LPP: variants seen among roughly 807,000 people sequenced by gnomAD.
LPP encodes the protein lipoma-preferred partner.
In LPP, 38 loss-of-function variants were observed where a neutral mutation model predicts 60.4. The observed-to-expected ratio is 0.63, with a 90% CI of 0.49 to 0.83. The LOEUF is 0.83. Ranked by LOEUF, LPP falls within the 40% of genes least tolerant of loss-of-function variation. The pLI, the probability that LPP is intolerant of heterozygous loss-of-function variation, is 0.00. For synonymous variants in LPP, 328 were observed against 290.8 expected (o/e 1.13, Z -1.30); for missense variants, 902 against 783.6 (o/e 1.15, Z -1.80).
At chr3:188,662,938 G>T (rs1854920399) in intron 7 of LPP, among the ~76,000 whole-genome samples, 1 of 152,230 alleles carries the variant, frequency 6.6e-6, no homozygotes, top group African/African-American at 2.4e-5. Flanking sequence ...TACTACCTGT[G>T]TCACATGTTA....
intron 5 of LPP, among the ~76,000 whole-genome samples, chr3:188,496,800 A>C (rs552875433): frequency 6.6e-6 from 1 of 152,354 alleles, no homozygotes; most frequent in African/African-American, 2.4e-5. Flanking sequence ...AGATTTTAAA[A>C]AATGTATCTC....
At chr3:188,431,536 A>G (rs948597018) in intron 4 of LPP, among the ~76,000 whole-genome samples, 1 of 152,166 alleles carries the variant, frequency 6.6e-6, no homozygotes, top group Admixed American at 6.5e-5. Context: ...ATGGTCCATC[A>G]AAAAGGTCTG....
intron 4 of LPP, among the ~76,000 whole-genome samples, chr3:188,478,472 C>A (rs1803832811): frequency 6.6e-6 from 1 of 151,806 alleles, no homozygotes; most frequent in African/African-American, 2.4e-5. Flanking sequence ...AGCAATATTA[C>A]CACATTATAT....
intron 7 of LPP, among the ~76,000 whole-genome samples, chr3:188,697,796 A>G (rs1055292234): frequency 6.6e-6 from 1 of 152,222 alleles, no homozygotes; most frequent in Non-Finnish European, 1.5e-5. Context: ...GTTTGATAAT[A>G]CTTACATAGG....
At position 188,623,836 on chromosome 3, in the gene LPP, G is replaced by A. The variant is rs988884371; in HGVS notation, c.1113+13992G>A. 1.2e-4 allele frequency among the ~76,000 whole-genome samples: 19 copies of A among 152,294 alleles called. No individual in the cohort carries two copies. In the East Asian group the frequency reaches 1.4e-3, roughly 11 times the overall value. On this transcript the variant is annotated intron_variant, in intron 7 of 11. Transcript: ENST00000617246. ...GCTCCTTAACATGAGGCCATTGGGC[G>A]GGTGTGTGCCAGACAATCCTCCTAG...
chr3:188,458,605 A>G (rs1798286355), intron 4 of LPP, among the ~76,000 whole-genome samples: 1 of 152,178 alleles, frequency 6.6e-6, no homozygotes, highest in South Asian at 2.1e-4. Flanking sequence ...TGCTTCACCT[A>G]TACACCTATT....
intron 1 of LPP, among the ~76,000 whole-genome samples, chr3:188,169,633 A>G (rs528251077): frequency 2.3e-4 from 35 of 152,316 alleles, no homozygotes; most frequent in African/African-American, 7.9e-4. Context: ...TAATAAACGA[A>G]TGCGCATTCT....
chr3:188,269,498 G>T (rs540869993), intron 2 of LPP, among the ~76,000 whole-genome samples: 1 of 152,284 alleles, frequency 6.6e-6, no homozygotes, highest in Admixed American at 6.5e-5. Context: ...ACAATTGCAG[G>T]TTATCCTTGC....
chr3:188,626,405 G>A (rs1288589773), intron 7 of LPP, among the ~76,000 whole-genome samples: 2 of 152,148 alleles, frequency 1.3e-5, no homozygotes. Context: ...AGGGATTTGA[G>A]CATCCATAGA....
intron 6 of LPP, among the ~76,000 whole-genome samples, chr3:188,607,753 A>G (rs191465020): frequency 5.9e-5 from 9 of 152,308 alleles, no homozygotes; most frequent in African/African-American, 2.2e-4. Context: ...CCCCAAAAAC[A>G]GATACTTCAA....
At chr3:188,276,709 C>A (rs1355464245) in intron 2 of LPP, among the ~76,000 whole-genome samples, 1 of 112,518 alleles carries the variant, frequency 8.9e-6, no homozygotes, top group South Asian at 2.9e-4. Flanking sequence ...CTCTCTCTCT[C>A]TCTCTCTCTC....
chr3:188,727,720 A>T (rs190403379), intron 8 of LPP, among the ~76,000 whole-genome samples: 18 of 152,280 alleles, frequency 1.2e-4, no homozygotes, highest in Admixed American at 2.0e-4. Flanking sequence ...AACACTTCAC[A>T]TAGCTGGTCT....
intron 2 of LPP, among the ~76,000 whole-genome samples, chr3:188,280,422 A>T (rs938002842): frequency 5.9e-5 from 9 of 152,194 alleles, no homozygotes; most frequent in African/African-American, 2.2e-4. Context: ...ATGGACCACG[A>T]ATGCCGCATC....
intron 7 of LPP, among the ~76,000 whole-genome samples, chr3:188,618,582 G>T (rs4686986): frequency 0.2 from 30,367 of 152,022 alleles, 3,316 homozygotes; most frequent in South Asian, 0.37. Flanking sequence ...GTGTAGAGTT[G>T]TCCAAACATA....
chr3:188,814,950 G>T (rs551578411), intron 9 of LPP, among the ~76,000 whole-genome samples: 33 of 152,330 alleles, frequency 2.2e-4, no homozygotes, highest in African/African-American at 7.7e-4. Flanking sequence ...GCTCTTATCC[G>T]TAAAATGGGG....
intron 7 of LPP, among the ~76,000 whole-genome samples, chr3:188,616,743 A>G (rs558725149): frequency 8.5e-5 from 13 of 152,268 alleles, no homozygotes; most frequent in Admixed American, 2.6e-4. Flanking sequence ...AAGATGGCCT[A>G]TCTCTTAATT....
At chr3:188,833,744 G>T (rs1223655520) in intron 9 of LPP, among the ~76,000 whole-genome samples, 1 of 151,914 alleles carries the variant, frequency 6.6e-6, no homozygotes, top group African/African-American at 2.4e-5. Context: ...GAACCACCAA[G>T]AATTAAATTA....
intron 4 of LPP, among the ~76,000 whole-genome samples, chr3:188,439,400 G>A (rs900416334): frequency 1.3e-5 from 2 of 152,154 alleles, no homozygotes; most frequent in Non-Finnish European, 2.9e-5. Context: ...TTTGTATTTC[G>A]CTGTGTGCTT....
intron 9 of LPP, among the ~76,000 whole-genome samples, chr3:188,810,017 T>C (rs1304590536): frequency 6.6e-6 from 1 of 152,152 alleles, no homozygotes; most frequent in Non-Finnish European, 1.5e-5. Flanking sequence ...TTCTGAGGTC[T>C]CTGCTCTGTT....
Sources: gnomAD v4.1 joint callset for allele counts (sites outside exome capture counted in the v4.1 genomes callset) on GRCh38, gnomAD v4.1.1 for gene constraint, MANE v1.5 for transcripts, NCBI Gene and HGNC (gene_info 2026-07-23, HGNC 2026-07-21) for gene names.